DGKB: variants seen among roughly 807,000 people sequenced by gnomAD.
DGKB encodes the protein diacylglycerol kinase beta.
DGKB carries 67 observed loss-of-function variants against 114.3 expected under a neutral mutation model. The observed-to-expected ratio is 0.59, with a 90% CI of 0.48 to 0.72. The LOEUF (loss-of-function observed/expected upper bound fraction) is 0.72, where lower values mean the gene tolerates loss of function less well. Among genes scored for constraint, DGKB ranks in the 30% least tolerant of loss-of-function variants. The pLI is 0.00. For synonymous variants in DGKB, 398 were observed against 323.1 expected (o/e 1.23, Z -2.49); for missense variants, 907 against 975.2 (o/e 0.93, Z 0.93).
chr7:14,635,632 T>C (rs963737794), intron 13 of DGKB, among the ~76,000 whole-genome samples: 3 of 151,628 alleles, frequency 2.0e-5, no homozygotes, highest in Non-Finnish European at 3.0e-5. Flanking sequence ...AGATTATTCT[T>C]CAGAACTCTT....
intron 25 of DGKB, among the ~76,000 whole-genome samples, chr7:14,168,451 C>T (rs962714752): frequency 5.9e-5 from 9 of 152,130 alleles, no homozygotes; most frequent in Non-Finnish European, 1.2e-4. Context: ...GCTACAGATT[C>T]GTGAAGCTCA....
At chr7:14,602,787 C>T (rs989329357) in intron 17 of DGKB, among the ~76,000 whole-genome samples, 1 of 152,122 alleles carries the variant, frequency 6.6e-6, no homozygotes, top group Non-Finnish European at 1.5e-5. Flanking sequence ...GCAGCCAGAA[C>T]AGAATAAAAC....
At chr7:14,272,501 T>C (rs549827117) in intron 23 of DGKB, among the ~76,000 whole-genome samples, 1 of 152,344 alleles carries the variant, frequency 6.6e-6, no homozygotes, top group African/African-American at 2.4e-5. Context: ...TTTCCAACCA[T>C]TTTTCTATTG....
intron 21 of DGKB, among the ~76,000 whole-genome samples, chr7:14,453,831 C>T (rs73679785): frequency 2.1e-3 from 318 of 152,208 alleles, no homozygotes; most frequent in African/African-American, 7.1e-3. Flanking sequence ...TTCCACAAAA[C>T]ATTCCTTTTA....
At chr7:14,836,866 G>A (rs1282767128) in intron 2 of DGKB, among the ~76,000 whole-genome samples, 5 of 152,182 alleles carry the variant, frequency 3.3e-5, no homozygotes, top group South Asian at 2.1e-4. Context: ...TGTGAGAAGA[G>A]TCTAATCTAG....
chr7:14,495,648 T>G (rs370199933), intron 20 of DGKB, among the ~76,000 whole-genome samples: 2 of 151,886 alleles, frequency 1.3e-5, no homozygotes, highest in South Asian at 4.1e-4. Flanking sequence ...AGAACAGATG[T>G]CCAAATATTG....
chr7:14,713,513 T>C (rs974785476), intron 6 of DGKB, among the ~76,000 whole-genome samples: 1 of 151,780 alleles, frequency 6.6e-6, no homozygotes, highest in African/African-American at 2.4e-5. Context: ...GAAACAACAA[T>C]AAGAACAACA....
At chr7:14,936,683 C>T (rs1270394578) in intron 1 of DGKB, among the ~76,000 whole-genome samples, 1 of 152,048 alleles carries the variant, frequency 6.6e-6, no homozygotes, top group East Asian at 1.9e-4. Context: ...CATCCTCCAC[C>T]CCCGCCTTCT....
chr7:14,968,203 A>T (rs1787274164), intron 1 of DGKB, among the ~76,000 whole-genome samples: 1 of 149,906 alleles, frequency 6.7e-6, no homozygotes, highest in Non-Finnish European at 1.5e-5. Context: ...GGAGATTATA[A>T]AAAAAAAAGC....
At chr7:14,364,948 A>G (rs1037818900) in intron 21 of DGKB, among the ~76,000 whole-genome samples, 1 of 152,052 alleles carries the variant, frequency 6.6e-6, no homozygotes, top group Non-Finnish European at 1.5e-5. Context: ...AACGTGTCAC[A>G]TAAGTGAATA....
At chr7:14,469,867 C>A (rs140504429) in intron 21 of DGKB, among the ~76,000 whole-genome samples, 85 of 151,682 alleles carry the variant, frequency 5.6e-4, no homozygotes, top group African/African-American at 2.0e-3. Flanking sequence ...AAACTCTTAG[C>A]AAATATATAT....
chr7:14,814,639 T>C (rs1184057589), intron 2 of DGKB, among the ~76,000 whole-genome samples: 1 of 152,218 alleles, frequency 6.6e-6, no homozygotes, highest in Non-Finnish European at 1.5e-5. Context: ...CTAAGAATTC[T>C]GGACTCATTT....
At chr7:14,824,722 T>A (rs898553434) in intron 2 of DGKB, among the ~76,000 whole-genome samples, 2 of 152,004 alleles carry the variant, frequency 1.3e-5, no homozygotes, top group South Asian at 4.1e-4. Flanking sequence ...TTTATGTACA[T>A]TTACCCTTTT....
At chr7:14,267,035 G>A (rs1562787672) in intron 23 of DGKB, among the ~76,000 whole-genome samples, 1 of 152,122 alleles carries the variant, frequency 6.6e-6, no homozygotes, top group African/African-American at 2.4e-5. Flanking sequence ...TCTATGATAC[G>A]TGAAAGATGT....
intron 22 of DGKB, 41 bp downstream of exon 22, chr7:14,345,260 C>A: frequency 8.6e-7 from 1 of 1,160,592 alleles, no homozygotes; most frequent in Non-Finnish European, 1.2e-6. Flanking sequence ...AAGCTCAAGC[C>A]ATTTCATCAT....
At position 14,576,963 on chromosome 7, in the gene DGKB, C is replaced by A. The variant is rs796920076; in HGVS notation, c.1610-2591G>T. ...ACATAGATAAACTCTGAACTGTAGT[C>A]CCCCATTTAACAAATATCTTTTCCC... On this transcript the variant is annotated intron_variant, in intron 19 of 25. Coordinates refer to ENST00000402815, the MANE Select transcript of DGKB (RefSeq NM_001350709.2). 4.6e-5 allele frequency among the ~76,000 whole-genome samples: 7 copies of A among 152,132 alleles called. No individual in the cohort carries two copies. The South Asian group carries it at 1.5e-3, about 32-fold the overall frequency.
intron 1 of DGKB, among the ~76,000 whole-genome samples, chr7:14,968,195 A>C (rs1486248861): frequency 6.6e-6 from 1 of 150,788 alleles, no homozygotes; most frequent in Non-Finnish European, 1.5e-5. Flanking sequence ...TAAAGTATGG[A>C]GATTATAAAA....
intron 21 of DGKB, among the ~76,000 whole-genome samples, chr7:14,364,053 C>A (rs77373501): frequency 6.6e-6 from 1 of 151,890 alleles, no homozygotes; most frequent in South Asian, 2.1e-4. Context: ...GTGTGGCCAC[C>A]GACTTTATTG....
chr7:14,546,581 G>A (rs1455266592), intron 20 of DGKB, among the ~76,000 whole-genome samples: 3 of 152,128 alleles, frequency 2.0e-5, no homozygotes. Flanking sequence ...GAACTGGAAG[G>A]TAAGATTGTG....
Sources: allele counts gnomAD v4.1 joint callset (sites outside exome capture counted in the v4.1 genomes callset), GRCh38; gene constraint gnomAD v4.1.1; transcripts MANE v1.5; gene names NCBI Gene and HGNC (gene_info 2026-07-23, HGNC 2026-07-21).